The following XKR7 variants were observed in gnomAD, a reference collection of about 807,000 sequenced individuals.
XKR7 encodes the protein XK-related protein 7.
Under a neutral mutation model 42.2 loss-of-function variants are expected in XKR7, and 11 were observed. The ratio of observed to expected loss-of-function variants is 0.26; its 90% CI spans 0.16 to 0.43. The LOEUF (loss-of-function observed/expected upper bound fraction) is 0.43, where lower values mean the gene tolerates loss of function less well. XKR7 is among the 20% of genes least tolerant of loss of function. The pLI, the probability that XKR7 is intolerant of heterozygous loss-of-function variation, is 1.00. For synonymous variants in XKR7, 346 were observed against 366.4 expected, an observed-to-expected ratio of 0.94 and a Z score of 0.64; for missense variants, 710 against 802.2, an observed-to-expected ratio of 0.89 and a Z score of 1.39.
At chr20:31,976,063 C>G (rs1039622245) in intron 1 of XKR7, among the ~76,000 whole-genome samples, 1 of 152,214 alleles carries the variant, frequency 6.6e-6, no homozygotes, top group Non-Finnish European at 1.5e-5. Flanking sequence ...ATAACAATCC[C>G]TACCCAGGTC....
chr20:31,981,246 G>A (rs926011578), intron 1 of XKR7, among the ~76,000 whole-genome samples: 1 of 151,452 alleles, frequency 6.6e-6, no homozygotes, highest in African/African-American at 2.4e-5. Context: ...AGTTGCCCAC[G>A]CCTGAAGTCC....
intron 1 of XKR7, among the ~76,000 whole-genome samples, chr20:31,969,936 G>T (rs1245319133): frequency 2.0e-5 from 3 of 152,194 alleles, no homozygotes; most frequent in Non-Finnish European, 2.9e-5. Context: ...TCAGTTTGGG[G>T]CTGAGGGTTG....
chr20:31,998,407 T>A lies in XKR7; in HGVS notation c.*950T>A, dbSNP rs574515220. The A allele has an allele frequency of 1.7e-4, 26 of 152,292 alleles. No homozygotes were observed. The highest frequency in any genetic ancestry group is 6.3e-4 in the African/African-American group (26 of 41,530). 9.4% of individuals were successfully genotyped at this position (152,292 alleles called of 1,614,324 possible). ...GGAACTGATCCAGAAGCAGGCTTAG[T>A]TCTAGATTGAGTTCTAGAGTGCTAG... On this transcript the variant is annotated 3_prime_UTR_variant, in exon 3 of 3. Coordinates refer to ENST00000562532, the MANE Select transcript of XKR7 (RefSeq NM_001011718.2).
At chr20:31,976,878 G>C (rs1727965931) in intron 1 of XKR7, among the ~76,000 whole-genome samples, 1 of 152,240 alleles carries the variant, frequency 6.6e-6, no homozygotes, top group South Asian at 2.1e-4. Context: ...GGGAGTTGAG[G>C]CTTTGTTGCT....
In XKR7 at chr20:32,000,024, C is replaced by T. The variant is rs1369305291; in HGVS notation, c.*2567C>T. ...CCCCACTCCCCACCTCTTCTCAACC[C>T]CACACACCCTTCCCTCAGGGCTTCT... On this transcript the variant is annotated 3_prime_UTR_variant, in exon 3 of 3. Coordinates refer to ENST00000562532, the MANE Select transcript of XKR7 (RefSeq NM_001011718.2). 1.3e-5 allele frequency: 2 copies of T among 152,322 alleles called. No homozygotes were observed. Among genetic ancestry groups the T allele is most frequent in the Non-Finnish European group, 2.9e-5 (2 of 68,128 alleles). The allele number at this position is 152,322 out of a possible 1,614,324, so 9.4% of individuals were successfully genotyped here. A position where few individuals can be genotyped will look rare whatever the true frequency, so the allele number is the denominator to read the frequency against.
intron 1 of XKR7, among the ~76,000 whole-genome samples, chr20:31,983,163 A>T (rs74627377): frequency 6.6e-6 from 1 of 152,090 alleles, no homozygotes; most frequent in Non-Finnish European, 1.5e-5. Context: ...TCATTCATTC[A>T]CTCACTCAAC....
At chr20:31,990,179 CGTGTGTGTGTGTGTGTGT>C (rs56235886) in intron 1 of XKR7, among the ~76,000 whole-genome samples, 1 of 144,148 alleles carries the variant, frequency 6.9e-6, no homozygotes, top group African/African-American at 2.6e-5. Flanking sequence ...AAATTCATTG[CGTGTGTGTGTGTGTGTGT>C]GTGTGTGTGT....
At chr20:31,982,434 A>G (rs1297773773) in intron 1 of XKR7, among the ~76,000 whole-genome samples, 1 of 151,674 alleles carries the variant, frequency 6.6e-6, no homozygotes, top group African/African-American at 2.4e-5. Context: ...AGGCAAGAGA[A>G]TCACTTGAAT....
intron 2 of XKR7, 35 bp from the exon 3 acceptor site, chr20:31,996,470 A>AAACCCCCCC: frequency 2.5e-6 from 1 of 401,222 alleles, no homozygotes; most frequent in Non-Finnish European, 4.2e-6. Flanking sequence ...CCCGCCCCTA[A>AAACCCCCCC]CCCAGCCCAC....
At chr20:31,978,511 T>G (rs573962304) in intron 1 of XKR7, among the ~76,000 whole-genome samples, 2 of 152,372 alleles carry the variant, frequency 1.3e-5, no homozygotes, top group African/African-American at 4.8e-5. Flanking sequence ...TCTTCAACAA[T>G]TATTGATTCC....
intron 1 of XKR7, among the ~76,000 whole-genome samples, chr20:31,975,814 A>G (rs1332422132): frequency 1.3e-5 from 2 of 152,202 alleles, no homozygotes; most frequent in Non-Finnish European, 2.9e-5. Flanking sequence ...AAAAAAATGC[A>G]TGTATAGATT....
At chr20:31,973,655 T>C (rs2064473695) in intron 1 of XKR7, among the ~76,000 whole-genome samples, 1 of 151,690 alleles carries the variant, frequency 6.6e-6, no homozygotes, top group Non-Finnish European at 1.5e-5. Context: ...GGGGAGGGTT[T>C]TGCAGGCAAA....
chr20:31,980,751 G>T (rs2064508306), intron 1 of XKR7, among the ~76,000 whole-genome samples: 1 of 152,006 alleles, frequency 6.6e-6, no homozygotes, highest in Admixed American at 6.6e-5. Context: ...CCTTCCTGTG[G>T]CTCTCCATCA....
intron 1 of XKR7, among the ~76,000 whole-genome samples, chr20:31,980,386 G>A (rs908440874): frequency 2.0e-5 from 3 of 152,264 alleles, no homozygotes; most frequent in Admixed American, 1.3e-4. Flanking sequence ...CCAACCCCCC[G>A]CAAAAGTTTC....
chr20:31,992,694 T>C (rs2064575118), intron 1 of XKR7, among the ~76,000 whole-genome samples: 1 of 152,132 alleles, frequency 6.6e-6, no homozygotes, highest in Non-Finnish European at 1.5e-5. Context: ...CATAGACTGA[T>C]GCCAGGATGA....
At position 31,997,037 on chromosome 20, in the gene XKR7, C is replaced by A. The variant is rs201984057; in HGVS notation, c.1320C>A (p.His440Gln). 1 of 1,613,948 alleles carries A rather than the reference C, an allele frequency of 6.2e-7. No individual in the cohort carries two copies. The highest frequency in any genetic ancestry group is 8.5e-7 in the Non-Finnish European group (1 of 1,180,042). ...FFMCVYYCLLHPNGPMLGPQA... is the reference protein window; with the variant it reads ...FFMCVYYCLLQPNGPMLGPQA... ...TGTGTGTCTACTACTGTCTCCTGCA[C>A]CCCAATGGGCCCATGCTGGGTCCCC... Residue 440 changes from histidine to glutamine, a missense_variant, in exon 3 of 3, where the codon CAC (histidine) becomes CAA (glutamine). Physicochemically the swap from His to Gln is conservative, Grantham distance 24 (BLOSUM62 0). Transcript: ENST00000562532.
chr20:31,993,203 C>T (rs367979867), intron 1 of XKR7, among the ~76,000 whole-genome samples: 25 of 151,978 alleles, frequency 1.6e-4, no homozygotes, highest in African/African-American at 5.6e-4. Context: ...AGTGTGCCTG[C>T]CCCGTGAATC....
chr20:31,983,810 G>A (rs2064524781), intron 1 of XKR7, among the ~76,000 whole-genome samples: 1 of 152,134 alleles, frequency 6.6e-6, no homozygotes, highest in Non-Finnish European at 1.5e-5. Flanking sequence ...AGCCAGGCAT[G>A]GTGGCAGGCA....
intron 1 of XKR7, among the ~76,000 whole-genome samples, chr20:31,976,862 C>A (rs1392122620): frequency 6.6e-6 from 1 of 152,198 alleles, no homozygotes; most frequent in Admixed American, 6.5e-5. Flanking sequence ...GGATCACAAA[C>A]CCCTGGGGAG....
Sources: allele counts gnomAD v4.1 joint callset (sites outside exome capture counted in the v4.1 genomes callset), GRCh38; gene constraint gnomAD v4.1.1; transcripts MANE v1.5; gene names NCBI Gene and HGNC (gene_info 2026-07-23, HGNC 2026-07-21).